The following GPHN variants were observed in gnomAD, a reference collection of about 807,000 sequenced individuals.
GPHN encodes gephyrin.
In GPHN, 17 loss-of-function variants were observed where a neutral mutation model predicts 95.5. That is an observed-to-expected ratio of 0.18 (90% confidence interval 0.12 to 0.27). The LOEUF (loss-of-function observed/expected upper bound fraction) is 0.27. Among genes scored for constraint, GPHN ranks in the 10% least tolerant of loss-of-function variants. GPHN has a pLI of 1.00. For synonymous variants in GPHN, 320 were observed against 322.5 expected (o/e 0.99, Z 0.08); for missense variants, 660 against 978.1 (o/e 0.67, Z 4.34).
chr14:66,991,539 C>T (rs1464513250), intron 9 of GPHN, among the ~76,000 whole-genome samples: 1 of 151,428 alleles, frequency 6.6e-6, no homozygotes, highest in Admixed American at 6.6e-5. Flanking sequence ...CTGAGAAACA[C>T]TTTGTTCCGA....
chr14:67,320,983 T>C, the GPHN span: 16 of 1,242,836 alleles, frequency 1.3e-5, no homozygotes, highest in Non-Finnish European at 1.6e-5. Flanking sequence ...AGAAATTCTT[T>C]CTGACTAGCA....
chr14:67,651,629 T>C, the GPHN span: 2 of 777,002 alleles, frequency 2.6e-6, no homozygotes, highest in South Asian at 3.9e-5. Flanking sequence ...CTCATAAGGT[T>C]CTTTAGCTGT....
intron 8 of GPHN, among the ~76,000 whole-genome samples, chr14:66,925,096 C>T (rs1471249664): frequency 1.3e-5 from 2 of 152,090 alleles, no homozygotes; most frequent in African/African-American, 4.8e-5. Flanking sequence ...CATCCATAGT[C>T]TCTTAGAAGA....
At chr14:67,335,912 C>T in the GPHN span, 3 of 152,372 alleles carry the variant, frequency 2.0e-5, no homozygotes, top group South Asian at 6.2e-4. Context: ...AAAAGCAAGA[C>T]CATTGGATCC....
chr14:66,619,789 A>G (rs8015268), intron 1 of GPHN, among the ~76,000 whole-genome samples: 47,752 of 151,962 alleles, frequency 0.31, 11,522 homozygotes, highest in African/African-American at 0.65. Flanking sequence ...CCATTTGTTC[A>G]TTGGTAGTAT....
At chr14:67,626,637 A>C in the GPHN span, among the ~76,000 whole-genome samples, 1 of 152,152 alleles carries the variant, frequency 6.6e-6, no homozygotes, top group African/African-American at 2.4e-5. Flanking sequence ...TGCCCAGCTA[A>C]CTTTTGTATT....
At chr14:67,045,031 A>G (rs964569384) in intron 10 of GPHN, among the ~76,000 whole-genome samples, 1 of 152,176 alleles carries the variant, frequency 6.6e-6, no homozygotes, top group African/African-American at 2.4e-5. Flanking sequence ...TGGATGCCTA[A>G]TAGGTATTAC....
chr14:66,693,800 A>C (rs550631146), intron 2 of GPHN, among the ~76,000 whole-genome samples: 87 of 152,308 alleles, frequency 5.7e-4, no homozygotes, highest in Non-Finnish European at 9.3e-4. Context: ...TAATCATCAT[A>C]ATAAGTAACA....
chr14:67,019,918 G>T (rs750439105), intron 9 of GPHN, among the ~76,000 whole-genome samples: 1 of 152,166 alleles, frequency 6.6e-6, no homozygotes, highest in Non-Finnish European at 1.5e-5. Context: ...ACGCTTTCGT[G>T]TGTCCTGCTT....
rs141008887 is a variant in GPHN, at chr14:66,652,628, T to C, written c.65-28479T>C. Among the ~76,000 whole-genome samples the C allele has an allele frequency of 4.9e-4, 75 of 152,246 alleles. No homozygotes were observed. In the East Asian group the frequency reaches 0.011, roughly 23 times the overall value. On this transcript the variant is annotated intron_variant, in intron 1 of 22. Coordinates refer to ENST00000478722, the MANE Select transcript of GPHN (RefSeq NM_020806.5). The stretch of plus-strand genomic sequence containing the variant: ...CTATACATTAATATTATTTGCCACA[T>C]ATTGGCTGAGAGCTATTGAATCCTT...
intron 9 of GPHN, among the ~76,000 whole-genome samples, chr14:66,972,345 T>G (rs947561078): frequency 1.3e-5 from 2 of 151,606 alleles, no homozygotes; most frequent in Non-Finnish European, 2.9e-5. Flanking sequence ...ACAAATAGTT[T>G]TTTCTTAAAT....
chr14:67,296,412 A>G, the GPHN span, among the ~76,000 whole-genome samples: 4 of 151,970 alleles, frequency 2.6e-5, no homozygotes, highest in Admixed American at 2.6e-4. Context: ...CATCCTGGCT[A>G]ACATGGTGAA....
Position 66,573,450 on chromosome 14 carries a change from C to CTT in GPHN, c.64+64876_64+64877dup, listed in dbSNP as rs369274048. ...GACCACTTTCTAATTATATAATAAC[C>CTT]TTTTTTTTTTTTTTTTTTCTGAGAC... is the stretch of plus-strand genomic sequence containing the variant. On this transcript the variant is annotated intron_variant, in intron 1 of 22. Coordinates refer to ENST00000478722, the MANE Select transcript of GPHN (RefSeq NM_020806.5). Among the ~76,000 whole-genome samples, 40 of 137,430 alleles carry CTT rather than the reference C, an allele frequency of 2.9e-4. 1 individual carries two copies. Among genetic ancestry groups the CTT allele is most frequent in the East Asian group, 6.2e-4 (3 of 4,828 alleles). 90.2% of individuals were successfully genotyped at this position (137,430 alleles called of 152,430 possible).
At chr14:67,195,796 T>A in the GPHN span, among the ~76,000 whole-genome samples, 4 of 149,784 alleles carry the variant, frequency 2.7e-5, no homozygotes, top group Non-Finnish European at 5.9e-5. Context: ...CAGGCTGGAG[T>A]GCAGTGGCAC....
the GPHN span, among the ~76,000 whole-genome samples, chr14:67,263,911 T>TG: frequency 1.3e-5 from 2 of 152,074 alleles, no homozygotes; most frequent in African/African-American, 2.4e-5. Flanking sequence ...TTTTTAGAGG[T>TG]GGGGTCTCAC....
At chr14:67,250,123 T>C in the GPHN span, among the ~76,000 whole-genome samples, 1 of 149,430 alleles carries the variant, frequency 6.7e-6, no homozygotes, top group Non-Finnish European at 1.5e-5. Flanking sequence ...AAACCATTGA[T>C]GTAGATAGAC....
At chr14:67,608,871 A>G in the GPHN span, among the ~76,000 whole-genome samples, 1 of 152,278 alleles carries the variant, frequency 6.6e-6, no homozygotes. Flanking sequence ...ACAAAACACA[A>G]ACAGTTTGAT....
intron 4 of GPHN, 130 bp from the exon 5 acceptor site, chr14:66,879,809 A>C (rs1462577855): frequency 1.4e-6 from 1 of 699,354 alleles, no homozygotes. Flanking sequence ...AAAAAGATAA[A>C]TGTTTCAGAA....
intron 1 of GPHN, among the ~76,000 whole-genome samples, chr14:66,576,755 T>TA (rs1297748770): frequency 1.8e-4 from 28 of 152,172 alleles, no homozygotes; most frequent in African/African-American, 5.8e-4. Flanking sequence ...TCAAGACTAT[T>TA]ATGATTAAGA....
Sources: allele counts gnomAD v4.1 joint callset (sites outside exome capture counted in the v4.1 genomes callset), GRCh38; gene constraint gnomAD v4.1.1; transcripts MANE v1.5; gene names NCBI Gene and HGNC (gene_info 2026-07-23, HGNC 2026-07-21).